The following HTR2C variants were observed in gnomAD, a reference collection of about 807,000 sequenced individuals.
The protein encoded by HTR2C is 5-hydroxytryptamine receptor 2C, also known as 5-hydroxytryptamine (serotonin) receptor 2C, G protein-coupled.
In HTR2C, 5 loss-of-function variants were observed where a neutral mutation model predicts 21.0. The ratio of observed to expected loss-of-function variants is 0.24; its 90% CI spans 0.12 to 0.50. The LOEUF is 0.50. HTR2C is among the 20% of genes least tolerant of loss of function. The pLI, the probability that HTR2C is intolerant of heterozygous loss-of-function variation, is 0.98. For missense variants in HTR2C, 271 were observed against 371.2 expected (o/e 0.73, Z 2.22); for synonymous variants, 150 against 145.3 (o/e 1.03, Z -0.23).
chrX:114,590,935 A>G (rs1226854888), intron 1 of HTR2C, among the ~76,000 whole-genome samples: 1 of 111,844 alleles, frequency 8.9e-6, no homozygotes, highest in Non-Finnish European at 1.9e-5. Flanking sequence ...AAGAAGCGCA[A>G]GTTTTCTTTT....
chrX:114,733,416 T>TA (rs1176961269), intron 4 of HTR2C, among the ~76,000 whole-genome samples: 24 of 105,497 alleles, frequency 2.3e-4, no homozygotes, highest in African/African-American at 7.6e-4. Flanking sequence ...TAAAAAAATT[T>TA]AAAAAAAAAA....
At chrX:114,748,060 G>C (rs1478070319) in intron 4 of HTR2C, among the ~76,000 whole-genome samples, 1 of 112,251 alleles carries the variant, frequency 8.9e-6, no homozygotes, top group African/African-American at 3.2e-5. Context: ...TATTAAGTGA[G>C]TTTAGCAAGC....
intron 2 of HTR2C, among the ~76,000 whole-genome samples, chrX:114,700,263 AATGT>A (rs2147307286): frequency 8.9e-6 from 1 of 111,825 alleles, no homozygotes; most frequent in Non-Finnish European, 1.9e-5. Context: ...TAACTTACAA[AATGT>A]ATGACCTCCA....
intron 5 of HTR2C, among the ~76,000 whole-genome samples, chrX:114,854,576 C>G (rs2070944091): frequency 9.0e-6 from 1 of 110,596 alleles, no homozygotes; most frequent in Non-Finnish European, 1.9e-5. Context: ...AAAATTAACA[C>G]AAAATGGATG....
Position 114,834,849 on chromosome X carries a change from G to A in HTR2C, c.350-13154G>A, listed in dbSNP as rs782501465. 1.0e-4 allele frequency among the ~76,000 whole-genome samples: 11 copies of A among 109,375 alleles called. No individual in the cohort carries two copies. In the East Asian group the frequency reaches 3.2e-3, roughly 32 times the overall value. 95.0% of individuals were successfully genotyped at this position (109,375 alleles called of 115,157 possible). On this transcript the variant is annotated intron_variant, in intron 4 of 5. Transcript: ENST00000276198. ...GATTTTGCAGCGGCTGGTACCAGTT[G>A]TTCCTTTCCATGTTTAGCGCTTCCT...
intron 5 of HTR2C, among the ~76,000 whole-genome samples, chrX:114,884,926 G>A (rs1198961874): frequency 9.1e-6 from 1 of 110,414 alleles, no homozygotes; most frequent in Admixed American, 9.7e-5. Context: ...ATCCTTTAAA[G>A]TTTGTCGAGG....
At chrX:114,765,593 C>T (rs1338535587) in intron 4 of HTR2C, among the ~76,000 whole-genome samples, 1 of 110,637 alleles carries the variant, frequency 9.0e-6, no homozygotes, top group Non-Finnish European at 1.9e-5. Context: ...ATACTATGTT[C>T]CTGAAAAACA....
At chrX:114,624,687 A>G (rs1234365058) in intron 2 of HTR2C, among the ~76,000 whole-genome samples, 1 of 112,230 alleles carries the variant, frequency 8.9e-6, no homozygotes, top group Non-Finnish European at 1.9e-5. Context: ...GGAAAAAAAA[A>G]TGACCAAGCA....
At chrX:114,822,654 T>TA (rs2070645267) in intron 4 of HTR2C, among the ~76,000 whole-genome samples, 1 of 112,224 alleles carries the variant, frequency 8.9e-6, no homozygotes, top group South Asian at 3.6e-4. Context: ...GGAAATTACA[T>TA]AAAAAATTCC....
chrX:114,605,419 A>G (rs1928368065), intron 1 of HTR2C, among the ~76,000 whole-genome samples: 1 of 110,843 alleles, frequency 9.0e-6, no homozygotes, highest in Non-Finnish European at 1.9e-5. Flanking sequence ...CAGACTCAGC[A>G]ATGCTTGGGG....
intron 4 of HTR2C, among the ~76,000 whole-genome samples, chrX:114,752,283 CA>C (rs1406721921): frequency 9.0e-6 from 1 of 111,619 alleles, no homozygotes; most frequent in African/African-American, 3.3e-5. Context: ...GAAAAATATT[CA>C]AATATATTTG....
intron 2 of HTR2C, among the ~76,000 whole-genome samples, chrX:114,725,996 G>A (rs1362374545): frequency 1.8e-5 from 2 of 110,794 alleles, no homozygotes; most frequent in East Asian, 5.8e-4. Flanking sequence ...CCCAGAGGTG[G>A]AGCCTACAGA....
chrX:114,594,758 C>A (rs1341221810), intron 1 of HTR2C, among the ~76,000 whole-genome samples: 1 of 104,083 alleles, frequency 9.6e-6, no homozygotes, highest in Non-Finnish European at 2.0e-5. Context: ...ATCCCAATAT[C>A]TACTTTCCAT....
intron 5 of HTR2C, among the ~76,000 whole-genome samples, chrX:114,874,519 T>C (rs2071117282): frequency 9.0e-6 from 1 of 111,128 alleles, no homozygotes; most frequent in African/African-American, 3.3e-5. Flanking sequence ...TTTGTATTTT[T>C]TTTTTTTGAG....
chrX:114,677,723 C>G (rs1271422393), intron 2 of HTR2C, among the ~76,000 whole-genome samples: 1 of 111,247 alleles, frequency 9.0e-6, no homozygotes, highest in Non-Finnish European at 1.9e-5. Flanking sequence ...TGAGTATTGT[C>G]AATAAAGGAG....
chrX:114,778,895 T>C (rs2070087058), intron 4 of HTR2C, among the ~76,000 whole-genome samples: 1 of 111,540 alleles, frequency 9.0e-6, no homozygotes, highest in Non-Finnish European at 1.9e-5. Context: ...AGTAGTCCAG[T>C]TCCCATTTTA....
chrX:114,894,339 T>G, intron 5 of HTR2C, among the ~76,000 whole-genome samples: 1 of 111,856 alleles, frequency 8.9e-6, no homozygotes, highest in East Asian at 2.8e-4. Flanking sequence ...GAAAAACTAG[T>G]GACACAACCA....
chrX:114,645,742 G>A (rs1556407414), intron 2 of HTR2C, among the ~76,000 whole-genome samples: 1 of 111,348 alleles, frequency 9.0e-6, no homozygotes. Flanking sequence ...CAAGTTCAGG[G>A]CAATAAATAA....
chrX:114,743,250 T>C (rs2069669659), intron 4 of HTR2C, among the ~76,000 whole-genome samples: 1 of 105,114 alleles, frequency 9.5e-6, no homozygotes, highest in African/African-American at 3.5e-5. Context: ...TACCCAGTAA[T>C]GGGATGGCTG....
Sources: gnomAD v4.1 joint callset for allele counts (sites outside exome capture counted in the v4.1 genomes callset) on GRCh38, gnomAD v4.1.1 for gene constraint, MANE v1.5 for transcripts, NCBI Gene and HGNC (gene_info 2026-07-23, HGNC 2026-07-21) for gene names.